Variants in ZBTB11 observed in about 807,000 individuals in gnomAD.
The protein encoded by ZBTB11 is zinc finger and BTB domain-containing protein 11.
A neutral mutation model predicts 113.1 loss-of-function variants in ZBTB11; 68 were observed. That is an observed-to-expected ratio of 0.60 (90% CI 0.49 to 0.74). The LOEUF (loss-of-function observed/expected upper bound fraction) is 0.74, where lower values mean the gene tolerates loss of function less well. Among genes scored for constraint, ZBTB11 ranks in the 30% least tolerant of loss-of-function variants. The pLI is 0.00. For missense variants in ZBTB11, 1,104 were observed against 1,279.4 expected (o/e 0.86, Z 2.09); for synonymous variants, 518 against 452.6 (o/e 1.14, Z -1.83).
chr3:101,653,356 C>A (rs766535133), intron 8 of ZBTB11, among the ~76,000 whole-genome samples: 3 of 152,088 alleles, frequency 2.0e-5, no homozygotes, highest in Non-Finnish European at 4.4e-5. Context: ...TCAGGGATGA[C>A]TGACTTAACT....
At position 101,664,684 on chromosome 3, in the gene ZBTB11, T is replaced by TTTG; in HGVS notation, c.1653_1654insCAA (p.Lys551_Lys552insGln). 1 of 1,609,924 alleles carries TTTG rather than the reference T, an allele frequency of 6.2e-7. No homozygotes were observed. Among genetic ancestry groups the TTTG allele is most frequent in the Non-Finnish European group, 8.5e-7 (1 of 1,178,946 alleles). ...GCATCTCTTTTTGGCTGTTTCATCT[T>TTTG]TTTTCCTCTTTGAACTAACTTCTGA... On this transcript the variant is annotated inframe_insertion, in exon 5 of 11. Coordinates refer to ENST00000312938, the MANE Select transcript of ZBTB11 (RefSeq NM_014415.4).
chr3:101,659,918 T>C lies in ZBTB11; in HGVS notation c.1911A>G (p.Ala637=). Residue 637 remains alanine (A), a synonymous_variant, in exon 6 of 11, where the codon GCA becomes GCG. Coordinates refer to ENST00000312938, the MANE Select transcript of ZBTB11 (RefSeq NM_014415.4). Reference sequence around the variant, plus strand: ...TGCCCTTCTCAGATGATGTTCCCGATGCTTCATTAGACGTGGAATTGGACG... The same window carrying C: ...TGCCCTTCTCAGATGATGTTCCCGACGCTTCATTAGACGTGGAATTGGACG... The part of the protein sequence containing the change: ...SSSSNSTSNE[A]SGTSSEKGRT... 2 of 1,614,238 alleles carry C rather than the reference T, an allele frequency of 1.2e-6. No homozygotes were observed. The highest frequency in any genetic ancestry group is 1.7e-6 in the Non-Finnish European group (2 of 1,180,036).
In ZBTB11 at chr3:101,659,795, T is replaced by A; in HGVS notation, c.2034A>T (p.Pro678=). ...GTTATAGCTTTACCTGGCATGCATGTGGCTTTACACCTGTGTGCTTTAACA... is the reference window on the plus strand; with the variant it reads ...GTTATAGCTTTACCTGGCATGCATGAGGCTTTACACCTGTGTGCTTTAACA... ...IHMLKHTGVK[P]HACQVCGKTF... is the part of the protein sequence containing the mutation. Residue 678 remains proline, a synonymous_variant, in exon 6 of 11, where the codon CCA becomes CCT. Transcript: ENST00000312938. 2 of 1,614,108 alleles carry A rather than the reference T, an allele frequency of 1.2e-6. No homozygotes were observed. The highest frequency in any genetic ancestry group is 8.5e-7 in the Non-Finnish European group (1 of 1,179,922).
At chr3:101,658,978 C>T (rs903364737) in intron 6 of ZBTB11, among the ~76,000 whole-genome samples, 3 of 152,188 alleles carry the variant, frequency 2.0e-5, no homozygotes, top group African/African-American at 4.8e-5. Flanking sequence ...GTGGCTCACG[C>T]CTATAATTCC....
In ZBTB11 at chr3:101,675,151, T is replaced by G. The variant is rs1937142857; in HGVS notation, c.310+1454A>C. Among the ~76,000 whole-genome samples the G allele has an allele frequency of 2.0e-5, 3 of 152,376 alleles. No individual in the cohort carries two copies. The South Asian group carries it at 6.2e-4, about 32-fold the overall frequency. ...CGACTACATCCTGCATATACAAGCT[T>G]GATCAATGTTACCTATAGTTACAAT... is the stretch of plus-strand genomic sequence containing the variant. On this transcript the variant is annotated intron_variant, in intron 1 of 10. Transcript: ENST00000312938.
chr3:101,674,741 T>A (rs1937135846), intron 1 of ZBTB11, among the ~76,000 whole-genome samples: 2 of 150,358 alleles, frequency 1.3e-5, no homozygotes, highest in Admixed American at 6.7e-5. Flanking sequence ...ATAAACATCG[T>A]CTCAGGTTTT....
chr3:101,676,966 G>A lies in ZBTB11; in HGVS notation c.-52C>T, dbSNP rs745906610. On this transcript the variant is annotated 5_prime_UTR_variant, in exon 1 of 11. Coordinates refer to ENST00000312938, the MANE Select transcript of ZBTB11 (RefSeq NM_014415.4). ...CTGTCAGGGACAGGTGAGGAAAACG[G>A]CCCGCTACCTACGGGCGGCTGCAGG... 2.7e-6 allele frequency: 4 copies of A among 1,494,550 alleles called. No homozygotes were observed. Among genetic ancestry groups the A allele is most frequent in the Non-Finnish European group, 3.6e-6 (4 of 1,122,044 alleles). The allele number at this position is 1,494,550 out of a possible 1,614,324, so 92.6% of individuals were successfully genotyped here.
rs1188790408 is a variant in ZBTB11, at chr3:101,677,115, C to G, written c.-201G>C. ...GGGGGAACTGCACTTCTCCAGCGCG[C>G]GGGATCCGCTGGCGACTGACAAAAT... On this transcript the variant is annotated 5_prime_UTR_variant, in exon 1 of 11. Transcript: ENST00000312938. The G allele has an allele frequency of 3.5e-6, 2 of 574,816 alleles. No homozygotes were observed. The highest frequency in any genetic ancestry group is 6.7e-5 in the East Asian group (2 of 30,074). The allele number at this position is 574,816 out of a possible 1,614,324, so 35.6% of individuals were successfully genotyped here. A position where few individuals can be genotyped will look rare whatever the true frequency, so the allele number is the denominator to read the frequency against.
rs752527365 is a variant in ZBTB11 at position 101,665,423 on chromosome 3, A to C, written c.1164T>G (p.Val388=). Residue 388 remains valine (V), a synonymous_variant, in exon 4 of 11, where the codon GTT becomes GTG. Transcript: ENST00000312938. ...GEVGRQPEPQ[V]SSEAESALSS... ...ACAGGGCAGATTCAGCCTCTGAAGA[A>C]ACCTGGGGCTCAGGCTGTCGTCCTA... 2 of 1,614,214 alleles carry C rather than the reference A, an allele frequency of 1.2e-6. No individual in the cohort carries two copies. Among genetic ancestry groups the C allele is most frequent in the East Asian group, 4.5e-5 (2 of 44,894 alleles).
intron 3 of ZBTB11, among the ~76,000 whole-genome samples, chr3:101,666,811 G>A (rs1017549663): frequency 2.0e-5 from 3 of 152,058 alleles, no homozygotes; most frequent in Admixed American, 6.5e-5. Context: ...GTGCAGTGGT[G>A]AAATCTTGGC....
intron 5 of ZBTB11, 62 bp from the exon 6 acceptor site, chr3:101,660,090 A>C: frequency 6.0e-5 from 92 of 1,524,392 alleles, no homozygotes; most frequent in Non-Finnish European, 7.2e-5. Flanking sequence ...ACTGAAACTC[A>C]ACTCATATTT....
Position 101,659,787 on chromosome 3 carries a change from C to T in ZBTB11, c.2042G>A (p.Cys681Tyr). 1 of 1,613,952 alleles carries T rather than the reference C, an allele frequency of 6.2e-7. No individual in the cohort carries two copies. The highest frequency in any genetic ancestry group is 8.5e-7 in the Non-Finnish European group (1 of 1,179,824). ...LKHTGVKPHA[C>Y]QVCGKTFIYK... ...AAATAAACGTTATAGCTTTACCTGG[C>T]ATGCATGTGGCTTTACACCTGTGTG... The change falls in exon 6 of 11, where the codon TGC (cysteine) becomes TAC (tyrosine). Residue 681 changes from cysteine to tyrosine, a missense_variant. Transcript: ENST00000312938.
intron 1 of ZBTB11, 53 bp downstream of exon 1, chr3:101,676,552 T>C: frequency 1.4e-6 from 2 of 1,436,542 alleles, no homozygotes; most frequent in Non-Finnish European, 1.8e-6. Flanking sequence ...CCAGCGAGCC[T>C]TGCCCAGGCA....
At chr3:101,655,664 C>CTTT (rs774936234) in intron 7 of ZBTB11, among the ~76,000 whole-genome samples, 1 of 142,060 alleles carries the variant, frequency 7.0e-6, no homozygotes. Flanking sequence ...TGAGAAAACG[C>CTTT]TTTTTTTTTT....
chr3:101,654,710 C>T lies in ZBTB11; in HGVS notation c.2303G>A (p.Cys768Tyr). 1 of 1,613,614 alleles carries T rather than the reference C, an allele frequency of 6.2e-7. No individual in the cohort carries two copies. The highest frequency in any genetic ancestry group is 8.5e-7 in the Non-Finnish European group (1 of 1,179,626). The change falls in exon 8 of 11, where the codon TGT becomes TAT. Residue 768 changes from cysteine to tyrosine, a missense_variant. Physicochemically the swap from Cys to Tyr is radical, Grantham distance 194. Around this residue, in one of 5 missense-constraint regions of ZBTB11, gnomAD observed 148 missense variants for 259.3 expected, o/e 0.57. Coordinates refer to ENST00000312938, the MANE Select transcript of ZBTB11 (RefSeq NM_014415.4). ...TCACATATTGAATACTTACTGAGTA[C>T]AATGATAGCCTCGAACCTCAGGCTT... Reference protein sequence around the residue: ...QPKPEVRGYHCTQCEKSFFEA... With the variant: ...QPKPEVRGYHYTQCEKSFFEA...
Position 101,653,034 on chromosome 3 carries a change from A to G in ZBTB11, c.2310-96T>C, listed in dbSNP as rs539350226. 93 of 1,290,090 alleles carry G rather than the reference A, an allele frequency of 7.2e-5. No individual in the cohort carries two copies. The South Asian group carries it at 1.4e-3, about 20-fold the overall frequency. 79.9% of individuals were successfully genotyped at this position (1,290,090 alleles called of 1,614,324 possible). On this transcript the variant is annotated intron_variant, in intron 8 of 10. Transcript: ENST00000312938. ...CTATTTTTAGTTTTTTAGAACTCCA[A>G]AAGATGATCTCAACTTAAAAGAATT...
At chr3:101,671,402 G>T in intron 2 of ZBTB11, 41 bp from the exon 3 acceptor site, 1 of 1,488,044 alleles carries the variant, frequency 6.7e-7, no homozygotes, top group South Asian at 1.1e-5. Context: ...CATATTACCT[G>T]TATTTTTTAC....
In ZBTB11 at chr3:101,651,394, ACTG is replaced by A; in HGVS notation, c.2931_2933del (p.Ser978del). 6.2e-7 allele frequency: 1 copy of A among 1,614,088 alleles called. No individual in the cohort carries two copies. The highest frequency in any genetic ancestry group is 8.5e-7 in the Non-Finnish European group (1 of 1,179,984). ...CCACAGTCTCAAGTTCTTGAGGACCACTGCTTTCTTGTTCCTGCATGCCTGCTG... is the reference window on the plus strand; with the variant it reads ...CCACAGTCTCAAGTTCTTGAGGACCACTTTCTTGTTCCTGCATGCCTGCTG... On this transcript the variant is annotated inframe_deletion, in exon 11 of 11. Coordinates refer to ENST00000312938, the MANE Select transcript of ZBTB11 (RefSeq NM_014415.4).
chr3:101,659,647 C>T, intron 6 of ZBTB11, 136 bp downstream of exon 6: 2 of 1,041,748 alleles, frequency 1.9e-6, no homozygotes, highest in South Asian at 1.6e-5. Context: ...TTGATCTAGG[C>T]AATAAAGAAG....
Sources: allele counts gnomAD v4.1 joint callset (sites outside exome capture counted in the v4.1 genomes callset), GRCh38; gene constraint gnomAD v4.1.1; regional missense constraint gnomAD v4.1.1; transcripts MANE v1.5; gene names NCBI Gene and HGNC (gene_info 2026-07-23, HGNC 2026-07-21).